Variants in ANO4 observed in about 807,000 individuals in gnomAD.
The protein encoded by ANO4 is anoctamin-4.
In ANO4, 69 loss-of-function variants were observed where a neutral mutation model predicts 141.9. The observed-to-expected ratio is 0.49, with a 90% CI of 0.40 to 0.59. The LOEUF (loss-of-function observed/expected upper bound fraction) is 0.59, where lower values mean the gene tolerates loss of function less well. ANO4 is among the 20% of genes least tolerant of loss of function. The pLI, the probability that ANO4 is intolerant of heterozygous loss-of-function variation, is 0.00. For synonymous variants in ANO4, 350 were observed against 394.3 expected, an observed-to-expected ratio of 0.89 and a Z score of 1.33; for missense variants, 894 against 1,162.2, an observed-to-expected ratio of 0.77 and a Z score of 3.36.
chr12:100,920,722 C>T (rs1294629984), intron 2 of ANO4, among the ~76,000 whole-genome samples: 5 of 152,208 alleles, frequency 3.3e-5, no homozygotes, highest in Admixed American at 2.0e-4. Context: ...TGACAGTGAC[C>T]GAAATGCATA....
intron 1 of ANO4, among the ~76,000 whole-genome samples, chr12:100,896,405 C>G (rs759057709): frequency 3.3e-5 from 5 of 151,528 alleles, no homozygotes; most frequent in Non-Finnish European, 5.9e-5. Flanking sequence ...TGCTGGCGCC[C>G]GTGAGAAGCT....
intron 1 of ANO4, among the ~76,000 whole-genome samples, chr12:100,886,729 C>T (rs2138050): frequency 0.33 from 49,809 of 152,068 alleles, 8,301 homozygotes; most frequent in East Asian, 0.53. Context: ...TCTGTGGCTG[C>T]TTTTGGGTCT....
At chr12:100,800,633 A>C (rs1325936976) in intron 1 of ANO4, among the ~76,000 whole-genome samples, 2 of 152,222 alleles carry the variant, frequency 1.3e-5, no homozygotes, top group African/African-American at 2.4e-5. Context: ...ACTTATTTGC[A>C]CTATTGTTGT....
chr12:100,783,889 G>A (rs1239789947), intron 3 of ANO4, among the ~76,000 whole-genome samples: 1 of 152,028 alleles, frequency 6.6e-6, no homozygotes, highest in Admixed American at 6.5e-5. Context: ...TCAGGAAGAT[G>A]GTCTCCCTCT....
intron 7 of ANO4, among the ~76,000 whole-genome samples, chr12:100,977,699 A>G (rs984735091): frequency 1.3e-5 from 2 of 152,256 alleles, no homozygotes; most frequent in African/African-American, 4.8e-5. Flanking sequence ...ACATCAGTTT[A>G]TCTTCCTGCC....
intron 9 of ANO4, among the ~76,000 whole-genome samples, chr12:101,024,226 A>G (rs1042395634): frequency 2.0e-4 from 30 of 152,270 alleles, no homozygotes; most frequent in African/African-American, 7.0e-4. Context: ...AGAAATTAGT[A>G]AAGTGAAAAA....
intron 8 of ANO4, among the ~76,000 whole-genome samples, chr12:100,992,773 C>G (rs2045199097): frequency 6.6e-6 from 1 of 152,192 alleles, no homozygotes; most frequent in Admixed American, 6.5e-5. Flanking sequence ...AATTGGCACA[C>G]AATGCTGGTC....
chr12:101,030,852 C>A (rs1345439341), intron 9 of ANO4, among the ~76,000 whole-genome samples: 1 of 152,082 alleles, frequency 6.6e-6, no homozygotes, highest in Non-Finnish European at 1.5e-5. Context: ...GGATAAATTC[C>A]TGGACGCAGA....
At chr12:101,020,540 G>A (rs940245402) in intron 9 of ANO4, among the ~76,000 whole-genome samples, 1 of 152,218 alleles carries the variant, frequency 6.6e-6, no homozygotes, top group African/African-American at 2.4e-5. Flanking sequence ...GCTGGTAAAA[G>A]GTGGGAGTGA....
chr12:101,024,186 A>T (rs1475399788), intron 9 of ANO4, among the ~76,000 whole-genome samples: 1 of 152,238 alleles, frequency 6.6e-6, no homozygotes, highest in Non-Finnish European at 1.5e-5. Flanking sequence ...CTTGAAATTG[A>T]TTTGTATTTT....
chr12:101,037,973 G>A (rs961771141), intron 10 of ANO4, among the ~76,000 whole-genome samples: 52 of 152,200 alleles, frequency 3.4e-4, no homozygotes, highest in African/African-American at 1.1e-3. Flanking sequence ...TTTGGAAGAC[G>A]GTTCCAACTC....
intron 1 of ANO4, among the ~76,000 whole-genome samples, chr12:100,804,511 T>C (rs2034884465): frequency 6.6e-6 from 1 of 152,216 alleles, no homozygotes; most frequent in Admixed American, 6.5e-5. Context: ...GTTCTAGGTC[T>C]CTGAGGAATT....
intron 3 of ANO4, among the ~76,000 whole-genome samples, chr12:100,774,644 A>G (rs2135560719): frequency 6.6e-6 from 1 of 152,350 alleles, no homozygotes; most frequent in South Asian, 2.1e-4. Context: ...TTCCCCCACA[A>G]CATATGCGAA....
Position 100,894,741 on chromosome 12 carries a change from C to T in ANO4, c.-140-6905C>T, listed in dbSNP as rs544623930. Reference sequence around the variant, plus strand: ...GAAAACTTTGGGAGGCCGAGGCGGGCGGATCACGAGGTCAGGAGATTGAGA... The same window carrying T: ...GAAAACTTTGGGAGGCCGAGGCGGGTGGATCACGAGGTCAGGAGATTGAGA... On this transcript the variant is annotated intron_variant, in intron 1 of 27. Coordinates refer to ENST00000392977, the MANE Select transcript of ANO4 (RefSeq NM_001286615.2). Among the ~76,000 whole-genome samples the T allele has an allele frequency of 5.6e-3, 857 of 151,908 alleles. 5 individuals carry two copies. Among genetic ancestry groups the T allele is most frequent in the Non-Finnish European group, 9.7e-3 (657 of 67,972 alleles).
intron 1 of ANO4, among the ~76,000 whole-genome samples, chr12:100,838,414 T>C (rs1225503090): frequency 1.3e-5 from 2 of 151,904 alleles, no homozygotes; most frequent in East Asian, 3.9e-4. Context: ...AGAATAAGAG[T>C]GCACATTCAG....
chr12:100,859,171 T>G (rs2038342588), intron 1 of ANO4: 1 of 152,178 alleles, frequency 6.6e-6, no homozygotes, highest in Non-Finnish European at 1.5e-5. Context: ...TATAGTTCGG[T>G]CCAGGCTCTT....
rs546238251 is a variant in ANO4, at chr12:101,012,628, T to C, written c.735-7406T>C. On this transcript the variant is annotated intron_variant, in intron 8 of 27. Transcript: ENST00000392977. ...AGGTCATTGGTATGGGCAGGAACCATGAAGGACTGTGTGGAAAGGTGAAGT... is the reference window on the plus strand; with the variant it reads ...AGGTCATTGGTATGGGCAGGAACCACGAAGGACTGTGTGGAAAGGTGAAGT... Among the ~76,000 whole-genome samples the C allele has an allele frequency of 9.9e-5, 15 of 152,252 alleles. No homozygotes were observed. In the South Asian group the frequency reaches 3.1e-3, roughly 32 times the overall value.
At chr12:100,896,831 A>G (rs762145099) in intron 1 of ANO4, among the ~76,000 whole-genome samples, 14 of 152,236 alleles carry the variant, frequency 9.2e-5, no homozygotes, top group Non-Finnish European at 1.6e-4. Flanking sequence ...GAGGAGAATC[A>G]TTGATATGAT....
intron 8 of ANO4, among the ~76,000 whole-genome samples, chr12:100,997,497 G>A (rs189706085): frequency 1.6e-4 from 25 of 151,654 alleles, no homozygotes; most frequent in East Asian, 3.9e-4. Context: ...TAAAGCATTC[G>A]AGATGCATTA....
Sources: allele counts gnomAD v4.1 joint callset (sites outside exome capture counted in the v4.1 genomes callset), GRCh38; gene constraint gnomAD v4.1.1; transcripts MANE v1.5; gene names NCBI Gene and HGNC (gene_info 2026-07-23, HGNC 2026-07-21).